Variants in ENOX1 observed in about 807,000 individuals in gnomAD.
The protein encoded by ENOX1 is candidate growth-related and time keeping constitutive hydroquinone (NADH) oxidase.
A neutral mutation model predicts 82.5 loss-of-function variants in ENOX1; 42 were observed. The observed-to-expected ratio is 0.51, with a 90% CI of 0.40 to 0.66. The LOEUF (loss-of-function observed/expected upper bound fraction) is 0.66, where lower values mean the gene tolerates loss of function less well. ENOX1 is among the 30% of genes least tolerant of loss of function. ENOX1 has a pLI of 0.00. For synonymous variants in ENOX1, 271 were observed against 282.2 expected, an observed-to-expected ratio of 0.96 and a Z score of 0.40; for missense variants, 608 against 811.6, an observed-to-expected ratio of 0.75 and a Z score of 3.05.
intron 2 of ENOX1, among the ~76,000 whole-genome samples, chr13:43,503,326 A>AT (rs1166587246): frequency 1.8e-4 from 27 of 151,886 alleles, no homozygotes; most frequent in African/African-American, 6.3e-4. Flanking sequence ...CAATCTACAG[A>AT]TTCAATGAAA....
At chr13:43,445,358 C>CAA (rs1371647424) in intron 3 of ENOX1, among the ~76,000 whole-genome samples, 2 of 152,056 alleles carry the variant, frequency 1.3e-5, no homozygotes, top group African/African-American at 4.8e-5. Context: ...CTCCTGACCT[C>CAA]GTGATCTGCC....
intron 1 of ENOX1, among the ~76,000 whole-genome samples, chr13:43,744,192 G>A (rs1949902423): frequency 6.6e-6 from 1 of 151,990 alleles, no homozygotes; most frequent in African/African-American, 2.4e-5. Flanking sequence ...CAGAGAACAG[G>A]AATGGCATTA....
chr13:43,357,680 A>G (rs1299187550), intron 7 of ENOX1, among the ~76,000 whole-genome samples: 2 of 152,146 alleles, frequency 1.3e-5, no homozygotes, highest in Non-Finnish European at 2.9e-5. Context: ...TGTCCAGAGA[A>G]GCAGTTTTCA....
intron 2 of ENOX1, among the ~76,000 whole-genome samples, chr13:43,597,054 G>A (rs115291010): frequency 0.013 from 1,924 of 152,272 alleles, 52 homozygotes; most frequent in African/African-American, 0.044. Flanking sequence ...TTACAATCAC[G>A]TCAGAAGGCG....
At chr13:43,451,104 G>A (rs1295674180) in intron 3 of ENOX1, among the ~76,000 whole-genome samples, 1 of 152,146 alleles carries the variant, frequency 6.6e-6, no homozygotes, top group Non-Finnish European at 1.5e-5. Context: ...GTAGTTAGAA[G>A]TAAAAATATC....
At chr13:43,278,020 A>C (rs891690543) in intron 12 of ENOX1, among the ~76,000 whole-genome samples, 1 of 152,204 alleles carries the variant, frequency 6.6e-6, no homozygotes, top group Admixed American at 6.5e-5. Flanking sequence ...ACAATTGTAC[A>C]AAATGTAAAA....
Position 43,213,544 on chromosome 13 carries a change from C to CTTTTTTTTTTTTTTTTTTTT in ENOX1, c.*426_*445dup, listed in dbSNP as rs3043205. The CTTTTTTTTTTTTTTTTTTTT allele has an allele frequency of 4.4e-4, 37 of 83,992 alleles. No individual in the cohort carries two copies. The highest frequency in any genetic ancestry group is 1.3e-3 in the East Asian group (3 of 2,394). 5.2% of individuals were successfully genotyped at this position (83,992 alleles called of 1,614,324 possible). ...TTTTTCTTTTTTTCTTTTTCTTTTT[C>CTTTTTTTTTTTTTTTTTTTT]TTTTTTTTTTTTTTTTTTTTTTTAC... On this transcript the variant is annotated 3_prime_UTR_variant, in exon 17 of 17. Coordinates refer to ENST00000690772, the MANE Select transcript of ENOX1 (RefSeq NM_001347969.2).
At chr13:43,533,853 C>T (rs1008547932) in intron 2 of ENOX1, among the ~76,000 whole-genome samples, 3 of 152,086 alleles carry the variant, frequency 2.0e-5, no homozygotes, top group Non-Finnish European at 4.4e-5. Context: ...GAGGAATTTT[C>T]ATTGTTATGG....
intron 3 of ENOX1, among the ~76,000 whole-genome samples, chr13:43,438,984 C>T (rs1286918884): frequency 6.6e-6 from 1 of 151,432 alleles, no homozygotes; most frequent in African/African-American, 2.4e-5. Flanking sequence ...ACTTTCTATG[C>T]TCAACAGTGT....
intron 2 of ENOX1, among the ~76,000 whole-genome samples, chr13:43,615,106 A>G (rs2082351637): frequency 6.6e-6 from 1 of 152,228 alleles, no homozygotes. Context: ...TTCATTAAAT[A>G]CTGAATAATT....
chr13:43,760,859 G>GGA (rs1950923006), intron 1 of ENOX1, among the ~76,000 whole-genome samples: 1 of 79,454 alleles, frequency 1.3e-5, no homozygotes. Context: ...GCATTAAAGT[G>GGA]GAAAAAAAAA....
At chr13:43,541,286 G>A (rs897850116) in intron 2 of ENOX1, among the ~76,000 whole-genome samples, 5 of 150,758 alleles carry the variant, frequency 3.3e-5, no homozygotes, top group African/African-American at 1.2e-4. Flanking sequence ...ATTGGTTGAG[G>A]TCAGGAGTTT....
chr13:43,396,109 T>C (rs2053130062), intron 5 of ENOX1, among the ~76,000 whole-genome samples: 1 of 152,192 alleles, frequency 6.6e-6, no homozygotes, highest in African/African-American at 2.4e-5. Flanking sequence ...ATCGCTAGCA[T>C]CTAAATTACT....
chr13:43,412,771 A>G, intron 4 of ENOX1, 74 bp downstream of exon 4: 1 of 1,576,076 alleles, frequency 6.3e-7, no homozygotes, highest in Non-Finnish European at 8.6e-7. Flanking sequence ...CATATTTTTC[A>G]AGGTGGGGCA....
chr13:43,309,023 T>C (rs2047030705), intron 11 of ENOX1, among the ~76,000 whole-genome samples: 1 of 74,668 alleles, frequency 1.3e-5, no homozygotes, highest in Admixed American at 2.3e-4. Flanking sequence ...TGCTCAAAGT[T>C]ACTTTTTTTT....
At chr13:43,618,961 T>C (rs1388802997) in intron 2 of ENOX1, among the ~76,000 whole-genome samples, 3 of 149,120 alleles carry the variant, frequency 2.0e-5, no homozygotes, top group African/African-American at 7.4e-5. Flanking sequence ...AACTCCTTGG[T>C]TAGGTATAGT....
chr13:43,315,769 A>G (rs182481840), intron 11 of ENOX1, among the ~76,000 whole-genome samples: 29 of 152,312 alleles, frequency 1.9e-4, no homozygotes, highest in Admixed American at 1.8e-3. Flanking sequence ...GCAACTTTGC[A>G]TCTTATTACA....
At chr13:43,514,563 T>C (rs2077489072) in intron 2 of ENOX1, among the ~76,000 whole-genome samples, 1 of 152,070 alleles carries the variant, frequency 6.6e-6, no homozygotes, top group Admixed American at 6.6e-5. Flanking sequence ...CCAGCCAGCC[T>C]TCCTCTGTTT....
At chr13:43,401,845 A>G (rs1363970914) in intron 5 of ENOX1, among the ~76,000 whole-genome samples, 2 of 152,156 alleles carry the variant, frequency 1.3e-5, no homozygotes, top group Non-Finnish European at 2.9e-5. Flanking sequence ...TATAAAATCA[A>G]AGCCTTGAGA....
Sources: allele counts gnomAD v4.1 joint callset (sites outside exome capture counted in the v4.1 genomes callset), GRCh38; gene constraint gnomAD v4.1.1; transcripts MANE v1.5; gene names NCBI Gene and HGNC (gene_info 2026-07-23, HGNC 2026-07-21).